Variants in PLSCR2 observed in about 807,000 individuals in gnomAD.
PLSCR2 encodes the protein phospholipid scramblase 2, also known as PL scramblase 2.
PLSCR2 carries 18 observed loss-of-function variants against 25.3 expected under a neutral mutation model. The observed-to-expected ratio is 0.71, with a 90% CI of 0.49 to 1.06. The LOEUF (loss-of-function observed/expected upper bound fraction) is 1.06, where lower values mean the gene tolerates loss of function less well. Among genes scored for constraint, PLSCR2 ranks in the 50% least tolerant of loss-of-function variants. PLSCR2 has a pLI of 0.00. For missense variants in PLSCR2, 243 were observed against 269.5 expected (o/e 0.90, Z 0.69); for synonymous variants, 88 against 87.3 (o/e 1.01, Z -0.04).
At chr3:146,452,778 G>A (rs2040975100) in intron 5 of PLSCR2, among the ~76,000 whole-genome samples, 2 of 151,830 alleles carry the variant, frequency 1.3e-5, no homozygotes, top group African/African-American at 2.4e-5. Flanking sequence ...TTCCTAGAAG[G>A]AGAAATAATC....
At chr3:146,483,341 T>C (rs2043198214) in intron 1 of PLSCR2, among the ~76,000 whole-genome samples, 1 of 147,418 alleles carries the variant, frequency 6.8e-6, no homozygotes, top group Admixed American at 6.8e-5. Flanking sequence ...AAATGACGAG[T>C]TGATGGGTGC....
intron 2 of PLSCR2, among the ~76,000 whole-genome samples, chr3:146,406,074 ATT>A (rs141130772): frequency 0.01 from 1,523 of 152,226 alleles, 19 homozygotes; most frequent in African/African-American, 0.025. Flanking sequence ...CTATAATACT[ATT>A]GAGTTGAATT....
rs1272398382 is a variant in PLSCR2, at chr3:146,476,680, C to G, written c.-292-16396G>C. Among the ~76,000 whole-genome samples, 6 of 152,228 alleles carry G rather than the reference C, an allele frequency of 3.9e-5. No homozygotes were observed. In the East Asian group the frequency reaches 1.2e-3, roughly 29 times the overall value. ...GCTCCAGCCCACTGTATTTCCCCGGCTGGTGCCTGGGAGACTCAAAAGGCA... is the reference window on the plus strand; with the variant it reads ...GCTCCAGCCCACTGTATTTCCCCGGGTGGTGCCTGGGAGACTCAAAAGGCA... On this transcript the variant is annotated intron_variant, in intron 1 of 8. Coordinates refer to the PLSCR2 transcript ENST00000336685.
intron 3 of PLSCR2, among the ~76,000 whole-genome samples, chr3:146,394,350 C>T (rs2038202335): frequency 6.6e-6 from 1 of 152,114 alleles, no homozygotes; most frequent in East Asian, 1.9e-4. Context: ...TCACCGCAAC[C>T]TCTGCCTCCT....
At chr3:146,451,139 A>C (rs1400024085) in intron 5 of PLSCR2, among the ~76,000 whole-genome samples, 2 of 125,278 alleles carry the variant, frequency 1.6e-5, no homozygotes, top group Admixed American at 1.0e-4. Flanking sequence ...TTTGAGACGA[A>C]GTCTTGCTCT....
At chr3:146,440,543 C>T (rs12487319), downstream of PLSCR2, among the ~76,000 whole-genome samples, 46,368 of 152,072 alleles carry the variant, frequency 0.3, 7,404 homozygotes, top group Admixed American at 0.44. Context: ...TAGCAGCGAG[C>T]GAGGCTCCAT....
chr3:146,459,778 A>C (rs1431681562), intron 2 of PLSCR2, 70 bp downstream of exon 2: 1 of 1,092,590 alleles, frequency 9.2e-7, no homozygotes. Flanking sequence ...CTTAACCATA[A>C]TTACTATGGT....
chr3:146,485,312 G>T lies in PLSCR2; in HGVS notation c.-293+10583C>A, dbSNP rs1576742971. On this transcript the variant is annotated intron_variant, in intron 1 of 8. Transcript: ENST00000336685. Reference sequence around the variant, plus strand: ...CAGATTCATAAAACATGTTCTTTGAGACCTACAAAGAGACTTAGACTCCCA... The same window carrying T: ...CAGATTCATAAAACATGTTCTTTGATACCTACAAAGAGACTTAGACTCCCA... 1.3e-5 allele frequency among the ~76,000 whole-genome samples: 2 copies of T among 152,182 alleles called. 1 individual carries two copies. Among genetic ancestry groups the T allele is most frequent in the Middle Eastern group, 6.8e-3 (2 of 294 alleles).
intron 2 of PLSCR2, among the ~76,000 whole-genome samples, chr3:146,428,130 C>G (rs1431174214): frequency 6.6e-6 from 1 of 152,060 alleles, no homozygotes; most frequent in Non-Finnish European, 1.5e-5. Context: ...AAGAAATGTA[C>G]TTAGCTTGTA....
At chr3:146,480,659 G>C (rs951219104) in intron 1 of PLSCR2, among the ~76,000 whole-genome samples, 7 of 152,250 alleles carry the variant, frequency 4.6e-5, no homozygotes, top group Admixed American at 3.3e-4. Context: ...GAGGTACAAA[G>C]AGGAGATGGT....
chr3:146,409,662 T>A lies in PLSCR2; in HGVS notation c.101-13741A>T, dbSNP rs115970630. 7.4e-3 allele frequency among the ~76,000 whole-genome samples: 1,123 copies of A among 152,292 alleles called. 15 individuals are homozygous for A. Among genetic ancestry groups the A allele is most frequent in the African/African-American group, 0.026 (1,070 of 41,546 alleles). Reference sequence around the variant, plus strand: ...CAGAGTGTCTGGAGCTTGCCTTTTTTAAGGTGGACTTCATAATTCTCTGAA... The same window carrying A: ...CAGAGTGTCTGGAGCTTGCCTTTTTAAAGGTGGACTTCATAATTCTCTGAA... On this transcript the variant is annotated intron_variant and NMD_transcript_variant, in intron 2 of 3. Transcript: ENST00000463633.
chr3:146,419,486 C>G (rs1523335), intron 2 of PLSCR2, among the ~76,000 whole-genome samples: 78,154 of 151,858 alleles, frequency 0.51, 20,507 homozygotes, highest in South Asian at 0.7. Flanking sequence ...CCCACTTCCA[C>G]GTACCAAAAC....
At chr3:146,490,733 T>A (rs1232543787) in intron 1 of PLSCR2, among the ~76,000 whole-genome samples, 1 of 152,128 alleles carries the variant, frequency 6.6e-6, no homozygotes, top group Admixed American at 6.5e-5. Flanking sequence ...CTTGCGCTTG[T>A]GGGTGTCATT....
At chr3:146,439,626 A>T (rs1300316344), downstream of PLSCR2, among the ~76,000 whole-genome samples, 1 of 152,160 alleles carries the variant, frequency 6.6e-6, no homozygotes, top group East Asian at 1.9e-4. Context: ...CTATCAGGTT[A>T]TGTAAGGTCT....
At chr3:146,417,395 C>G (rs1289091756) in intron 2 of PLSCR2, among the ~76,000 whole-genome samples, 2 of 132,374 alleles carry the variant, frequency 1.5e-5, no homozygotes, top group Admixed American at 8.3e-5. Context: ...TTAATAATGA[C>G]AAAGAAGAAA....
rs1398786477 is a variant in PLSCR2, at chr3:146,414,936, TTCC to T, written c.101-19018_101-19016del. Among the ~76,000 whole-genome samples the T allele has an allele frequency of 5.3e-5, 8 of 152,314 alleles. No individual in the cohort carries two copies. In the East Asian group the frequency reaches 1.5e-3, roughly 29 times the overall value. On this transcript the variant is annotated intron_variant and NMD_transcript_variant, in intron 2 of 3. Transcript: ENST00000463633. ...GATCCTGCAGCCAGTATTTTTTCCT[TTCC>T]CATGAGAAGACTATTGCTGCATTTA...
intron 1 of PLSCR2, among the ~76,000 whole-genome samples, chr3:146,472,557 G>T (rs529894019): frequency 1.3e-5 from 2 of 152,114 alleles, no homozygotes; most frequent in Non-Finnish European, 2.9e-5. Context: ...TCTTCTCACC[G>T]GGTCCTCACA....
At chr3:146,399,083 C>T (rs12054301) in intron 2 of PLSCR2, among the ~76,000 whole-genome samples, 37,879 of 151,626 alleles carry the variant, frequency 0.25, 5,135 homozygotes, top group South Asian at 0.44. Context: ...ATTTACTTTC[C>T]ATTTGCAAAA....
At chr3:146,399,496 A>G (rs902756307) in intron 2 of PLSCR2, among the ~76,000 whole-genome samples, 3 of 151,874 alleles carry the variant, frequency 2.0e-5, no homozygotes, top group African/African-American at 7.2e-5. Context: ...TATGTAATAC[A>G]TTATACAAAT....
Sources: gnomAD v4.1 joint callset for allele counts (sites outside exome capture counted in the v4.1 genomes callset) on GRCh38, gnomAD v4.1.1 for gene constraint, MANE v1.5 for transcripts, NCBI Gene and HGNC (gene_info 2026-07-23, HGNC 2026-07-21) for gene names.